The following SPOCK1 variants were observed in gnomAD, a reference collection of about 807,000 sequenced individuals.
SPOCK1 encodes testican-1.
A neutral mutation model predicts 55.3 loss-of-function variants in SPOCK1; 23 were observed. That is an observed-to-expected ratio of 0.42 (90% CI 0.30 to 0.59). SPOCK1 has a LOEUF of 0.59. Among genes scored for constraint, SPOCK1 ranks in the 20% least tolerant of loss-of-function variants. SPOCK1 has a pLI of 0.22. For missense variants in SPOCK1, 499 were observed against 552.5 expected (o/e 0.90, Z 0.97); for synonymous variants, 226 against 221.0 (o/e 1.02, Z -0.20).
At chr5:137,470,149 T>A (rs1753705380) in intron 2 of SPOCK1, among the ~76,000 whole-genome samples, 1 of 152,158 alleles carries the variant, frequency 6.6e-6, no homozygotes, top group Non-Finnish European at 1.5e-5. Context: ...CTCTGCCTTA[T>A]GGATTTCCAT....
chr5:137,023,409 T>C (rs564194171), intron 6 of SPOCK1, among the ~76,000 whole-genome samples: 113 of 152,186 alleles, frequency 7.4e-4, no homozygotes, highest in African/African-American at 2.7e-3. Context: ...GGGGATTGGG[T>C]ACCCCTACAG....
At chr5:136,985,009 TG>T in intron 9 of SPOCK1, 130 bp downstream of exon 9, 1 of 927,178 alleles carries the variant, frequency 1.1e-6, no homozygotes. Flanking sequence ...GAGCTCTGCC[TG>T]GGGTTAAAAC....
At position 137,037,722 on chromosome 5, in the gene SPOCK1, T is replaced by C. The variant is rs114022134; in HGVS notation, c.589+29993A>G. ...GGAGTCGCTAACCTAAAAAAAAGTTTCCTGATACATAAATACGCGTTGGGA... is the reference window on the plus strand; with the variant it reads ...GGAGTCGCTAACCTAAAAAAAAGTTCCCTGATACATAAATACGCGTTGGGA... On this transcript the variant is annotated intron_variant, in intron 6 of 10. Coordinates refer to ENST00000394945, the MANE Select transcript of SPOCK1 (RefSeq NM_004598.4). Among the ~76,000 whole-genome samples, 597 of 152,236 alleles carry C rather than the reference T, an allele frequency of 3.9e-3. 8 individuals carry two copies. The highest frequency in any genetic ancestry group is 0.014 in the African/African-American group (562 of 41,542).
intron 2 of SPOCK1, among the ~76,000 whole-genome samples, chr5:137,311,581 C>A (rs1368903315): frequency 2.0e-5 from 3 of 152,228 alleles, no homozygotes; most frequent in African/African-American, 7.2e-5. Flanking sequence ...AAACTATCTA[C>A]TCCGCTCTTT....
chr5:137,447,270 C>T (rs1435602628), intron 2 of SPOCK1, among the ~76,000 whole-genome samples: 1 of 152,192 alleles, frequency 6.6e-6, no homozygotes, highest in Non-Finnish European at 1.5e-5. Flanking sequence ...CAACAGCTGA[C>T]AAAGCCCTTC....
chr5:137,481,679 T>G (rs891781389), intron 2 of SPOCK1, among the ~76,000 whole-genome samples: 43 of 152,192 alleles, frequency 2.8e-4, no homozygotes, highest in African/African-American at 1.0e-3. Context: ...TTCCCTGGAG[T>G]GTCAAGGTCT....
chr5:137,354,902 G>GTTT (rs545909748), intron 2 of SPOCK1, among the ~76,000 whole-genome samples: 33 of 150,842 alleles, frequency 2.2e-4, no homozygotes, highest in South Asian at 1.1e-3. Context: ...TCTAAGTTTT[G>GTTT]TTTTTTTTTG....
intron 2 of SPOCK1, among the ~76,000 whole-genome samples, chr5:137,421,591 T>G (rs943918060): frequency 2.0e-5 from 3 of 152,228 alleles, no homozygotes; most frequent in Non-Finnish European, 2.9e-5. Flanking sequence ...TGGTTTGAAG[T>G]CTGTTTTATC....
At chr5:137,168,414 A>T (rs966916718) in intron 3 of SPOCK1, among the ~76,000 whole-genome samples, 1 of 152,188 alleles carries the variant, frequency 6.6e-6, no homozygotes, top group Admixed American at 6.5e-5. Context: ...GTGAAGAGAC[A>T]ACCCACAGAA....
chr5:137,014,234 C>T (rs1751407677), intron 6 of SPOCK1, among the ~76,000 whole-genome samples: 1 of 152,288 alleles, frequency 6.6e-6, no homozygotes, highest in African/African-American at 2.4e-5. Context: ...CTTCACCTTC[C>T]TTCATGAGTA....
At chr5:136,996,901 A>T (rs1291142778) in intron 6 of SPOCK1, among the ~76,000 whole-genome samples, 1 of 152,134 alleles carries the variant, frequency 6.6e-6, no homozygotes, top group Admixed American at 6.5e-5. Flanking sequence ...CACACTGTGG[A>T]AACTTCGTTC....
chr5:137,373,701 G>A (rs1241607350), intron 2 of SPOCK1, among the ~76,000 whole-genome samples: 1 of 152,194 alleles, frequency 6.6e-6, no homozygotes, highest in Non-Finnish European at 1.5e-5. Flanking sequence ...TAAACACTGA[G>A]CTCAAGGTAA....
chr5:137,225,999 T>C (rs1384011535), intron 3 of SPOCK1, among the ~76,000 whole-genome samples: 5 of 152,172 alleles, frequency 3.3e-5, no homozygotes, highest in Non-Finnish European at 7.3e-5. Context: ...TCCTGGATCT[T>C]GGACTGTTGG....
chr5:137,039,638 T>G (rs1751957177), intron 6 of SPOCK1, among the ~76,000 whole-genome samples: 2 of 152,166 alleles, frequency 1.3e-5, no homozygotes, highest in African/African-American at 4.8e-5. Context: ...ACACCATCAG[T>G]AGGAAAGGCT....
At chr5:137,284,963 T>C (rs976334003) in intron 2 of SPOCK1, among the ~76,000 whole-genome samples, 1 of 152,196 alleles carries the variant, frequency 6.6e-6, no homozygotes, top group African/African-American at 2.4e-5. Context: ...GTCTCGCTCA[T>C]ACAGCTTTTG....
chr5:137,439,460 C>G (rs571078138), intron 2 of SPOCK1, among the ~76,000 whole-genome samples: 1 of 152,282 alleles, frequency 6.6e-6, no homozygotes, highest in South Asian at 2.1e-4. Flanking sequence ...TAATAGATTC[C>G]TCCAGAGGTA....
chr5:137,471,342 T>C (rs1279949097), intron 2 of SPOCK1, among the ~76,000 whole-genome samples: 1 of 152,220 alleles, frequency 6.6e-6, no homozygotes, highest in Non-Finnish European at 1.5e-5. Flanking sequence ...TGTTTGTTTG[T>C]TTGTTTTTGT....
At chr5:137,396,142 G>A (rs1270633987) in intron 2 of SPOCK1, among the ~76,000 whole-genome samples, 2 of 152,114 alleles carry the variant, frequency 1.3e-5, no homozygotes, top group Non-Finnish European at 2.9e-5. Flanking sequence ...ACTGGATTTG[G>A]GGTTCCTCAC....
intron 2 of SPOCK1, among the ~76,000 whole-genome samples, chr5:137,462,677 A>G (rs1202626700): frequency 1.3e-5 from 2 of 152,236 alleles, no homozygotes; most frequent in African/African-American, 4.8e-5. Flanking sequence ...GGTGTCTAGC[A>G]TATTAAGCAG....
Sources: gnomAD v4.1 joint callset for allele counts (sites outside exome capture counted in the v4.1 genomes callset) on GRCh38, gnomAD v4.1.1 for gene constraint, MANE v1.5 for transcripts, NCBI Gene and HGNC (gene_info 2026-07-23, HGNC 2026-07-21) for gene names.